TYMP: variants seen among roughly 807,000 people sequenced by gnomAD.
TYMP encodes the protein thymidine phosphorylase.
Under a neutral mutation model 42.3 loss-of-function variants are expected in TYMP, and 46 were observed. That is an observed-to-expected ratio of 1.09 (90% CI 0.86 to 1.39). The LOEUF is 1.39. Among genes scored for constraint, TYMP ranks in the 40% most tolerant of loss-of-function variants. The pLI is 0.00. For synonymous variants in TYMP, 363 were observed against 308.0 expected, an observed-to-expected ratio of 1.18 and a Z score of -1.87; for missense variants, 837 against 677.6, an observed-to-expected ratio of 1.24 and a Z score of -2.61.
In TYMP at chr22:50,528,556, G is replaced by A; in HGVS notation, c.472C>T (p.Leu158=). The change falls in exon 4 of 10, where the codon CTG becomes TTG. Residue 158 remains leucine (L), a synonymous_variant. Transcript: ENST00000252029. ...LGHTGGTLDK[L]ESIPGFNVIQ... is the part of the protein sequence containing the mutation. ...ACATTGAATCCAGGAATAGACTCCA[G>A]CTTATCCAAGGTGCCTCCTGTGTGC... 1 of 1,613,960 alleles carries A rather than the reference G, an allele frequency of 6.2e-7. No homozygotes were observed.
At chr22:50,528,789 G>A in intron 3 of TYMP, 179 bp from the exon 4 acceptor site, 1 of 660,824 alleles carries the variant, frequency 1.5e-6, no homozygotes, top group East Asian at 2.7e-5. Context: ...GTCAGTAGGG[G>A]AGGAGGTTGG....
Position 50,527,216 on chromosome 22 carries a change from C to A in TYMP, c.714G>T (p.Gly238=). The A allele has an allele frequency of 6.2e-7, 1 of 1,613,558 alleles. No individual in the cohort carries two copies. The highest frequency in any genetic ancestry group is 8.5e-7 in the Non-Finnish European group (1 of 1,180,016). ...GCTCCTGGTTGGGGAAGACGGCGGC[C>A]CCTCCGAACTTAACGTCCACCACCA... ...SALVVDVKFG[G]AAVFPNQEQA... is the part of the protein sequence containing the mutation. Residue 238 remains glycine (G), a synonymous_variant, in exon 6 of 10, where the codon GGG becomes GGT. Transcript: ENST00000252029.
Position 50,527,732 on chromosome 22 carries a change from CCT to C in TYMP, c.517-17_517-16del, listed in dbSNP as rs1346227234. ...AGCACTTGCATCTGGTCAGACATCCCCTGTTCTCAGTGACTTATGGTAAATGA... is the reference window on the plus strand; with the variant it reads ...AGCACTTGCATCTGGTCAGACATCCCGTTCTCAGTGACTTATGGTAAATGA... On this transcript the variant is annotated splice_polypyrimidine_tract_variant and intron_variant, in intron 4 of 9. Coordinates refer to ENST00000252029, the MANE Select transcript of TYMP (RefSeq NM_001953.5). 3 of 1,612,456 alleles carry C rather than the reference CCT, an allele frequency of 1.9e-6. No individual in the cohort carries two copies. Among genetic ancestry groups the C allele is most frequent in the Non-Finnish European group, 1.7e-6 (2 of 1,179,272 alleles).
Position 50,526,252 on chromosome 22 carries a change from C to CG in TYMP, c.1152dup (p.Ala385ArgfsTer?). On this transcript the variant is annotated frameshift_variant, in exon 8 of 10. Transcript: ENST00000252029. LOFTEE classifies it high-confidence loss of function. ...GGACTCCCCCGACGCTCACCATCTG[C>CG]GGGCGCCAGCAGCTCCTCCTGCTCC... 6.5e-7 allele frequency: 1 copy of CG among 1,534,134 alleles called. No individual in the cohort carries two copies. Among genetic ancestry groups the CG allele is most frequent in the Non-Finnish European group, 8.7e-7 (1 of 1,150,376 alleles).
At position 50,526,701 on chromosome 22, in the gene TYMP, G is replaced by A; in HGVS notation, c.803C>T (p.Ala268Val). The A allele has an allele frequency of 1.3e-6, 2 of 1,541,378 alleles. No homozygotes were observed. The highest frequency in any genetic ancestry group is 1.7e-6 in the Non-Finnish European group (2 of 1,147,836). The change falls in exon 7 of 10, where the codon GCA becomes GTA. Residue 268 changes from alanine to valine, a missense_variant. Transcript: ENST00000252029. The stretch of plus-strand genomic sequence containing the variant: ...GGGCTTGTCCATGGCGGTCAGCGCT[G>A]CCGCGACCCGAAGCCCTAGGCTGGC... ...VGASLGLRVAAALTAMDKPLG... is the reference protein window; with the variant it reads ...VGASLGLRVAVALTAMDKPLG...
intron 5 of TYMP, 75 bp downstream of exon 5, chr22:50,527,513 A>G (rs1392333928): frequency 6.2e-7 from 1 of 1,610,362 alleles, no homozygotes; most frequent in Non-Finnish European, 8.5e-7. Context: ...GTAACTCCTA[A>G]CGAGAGGCCC....
chr22:50,528,712 AT>A, intron 3 of TYMP, 102 bp from the exon 4 acceptor site: 2 of 956,006 alleles, frequency 2.1e-6, no homozygotes, highest in Non-Finnish European at 3.3e-6. Flanking sequence ...TTTGGAAAGT[AT>A]TTAAGCAGCT....
chr22:50,526,243 C>G lies in TYMP; in HGVS notation c.1159+3G>C, dbSNP rs1378699970. ...GAAGGACGGGGACTCCCCCGACGCT[C>G]ACCATCTGCGGGCGCCAGCAGCTCC... On this transcript the variant is annotated splice_donor_region_variant and intron_variant, in intron 8 of 9. Transcript: ENST00000252029. 2 of 1,540,218 alleles carry G rather than the reference C, an allele frequency of 1.3e-6. No homozygotes were observed. The highest frequency in any genetic ancestry group is 1.7e-6 in the Non-Finnish European group (2 of 1,152,686).
At position 50,526,260 on chromosome 22, in the gene TYMP, A is replaced by C; in HGVS notation, c.1145T>G (p.Leu382Arg). 6.5e-7 allele frequency: 1 copy of C among 1,536,332 alleles called. No individual in the cohort carries two copies. The highest frequency in any genetic ancestry group is 1.4e-5 in the African/African-American group (1 of 70,690). ...CCGACGCTCACCATCTGCGGGCGCC[A>C]GCAGCTCCTCCTGCTCCCGGGCGCG... ...LPRAREQEEL[L>R]APADGTVELV... The change falls in exon 8 of 10, where the codon CTG (leucine) becomes CGG (arginine). Residue 382 changes from leucine to arginine, a missense_variant. By Grantham distance (102) the Leu-to-Arg change is moderately radical. Transcript: ENST00000252029.
At position 50,529,584 on chromosome 22, in the gene TYMP, C is replaced by T; in HGVS notation, c.126G>A (p.Met42Ile). ...CGCTCAGGCGGCCTCCGTCTCGCTT[C>T]ATGCGGATCAGCTCCGGGAGCTGCT... ...EPKQLPELIR[M>I]KRDGGRLSEA... Residue 42 changes from methionine (M) to isoleucine (I), a missense_variant, in exon 2 of 10, where the codon ATG becomes ATA. Physicochemically the swap from Met to Ile is conservative, Grantham distance 10. Coordinates refer to ENST00000252029, the MANE Select transcript of TYMP (RefSeq NM_001953.5). 1.2e-6 allele frequency: 2 copies of T among 1,613,192 alleles called. No homozygotes were observed. The highest frequency in any genetic ancestry group is 1.1e-5 in the South Asian group (1 of 91,088).
chr22:50,528,099 C>T (rs771718910), intron 4 of TYMP: 2 of 390,108 alleles, frequency 5.1e-6, no homozygotes, highest in Non-Finnish European at 9.7e-6. Flanking sequence ...GCAGCCTAGA[C>T]CTCCCAGGCT....
Position 50,528,533 on chromosome 22 carries a change from A to C in TYMP, c.495T>G (p.Asn165Lys). The C allele has an allele frequency of 6.2e-7, 1 of 1,613,868 alleles. No individual in the cohort carries two copies. Among genetic ancestry groups the C allele is most frequent in the East Asian group, 2.2e-5 (1 of 44,886 alleles). Residue 165 changes from asparagine to lysine, a missense_variant, in exon 4 of 10, where the codon AAT becomes AAG. Coordinates refer to ENST00000252029, the MANE Select transcript of TYMP (RefSeq NM_001953.5). ...GTACCTGCTCTGGGCTCTGGATGAC[A>C]TTGAATCCAGGAATAGACTCCAGCT... ...LDKLESIPGF[N>K]VIQSPEQMQV...
In TYMP at chr22:50,526,227, G is replaced by A. The variant is rs763827623; in HGVS notation, c.1159+19C>T. The A allele has an allele frequency of 2.4e-5, 36 of 1,520,490 alleles. No individual in the cohort carries two copies. The East Asian group carries it at 4.7e-4, about 20-fold the overall frequency. 94.2% of individuals were successfully genotyped at this position (1,520,490 alleles called of 1,614,324 possible). A position where few individuals can be genotyped will look rare whatever the true frequency, so the allele number is the denominator to read the frequency against. On this transcript the variant is annotated intron_variant, in intron 8 of 9. Transcript: ENST00000252029. Reference sequence around the variant, plus strand: ...GGGGATGGCGGAGGCGGAAGGACGGGGACTCCCCCGACGCTCACCATCTGC... The same window carrying A: ...GGGGATGGCGGAGGCGGAAGGACGGAGACTCCCCCGACGCTCACCATCTGC...
Position 50,525,761 on chromosome 22 carries a change from A to T in TYMP, c.*9T>A, listed in dbSNP as rs751872685. ...CCAAGCACTGACAAGGTTTCGCGGC[A>T]AAGGAGCTTTATTGCTGCGGCGGCA... is the stretch of plus-strand genomic sequence containing the variant. On this transcript the variant is annotated 3_prime_UTR_variant, in exon 10 of 10. Coordinates refer to ENST00000252029, the MANE Select transcript of TYMP (RefSeq NM_001953.5). 11 of 1,610,136 alleles carry T rather than the reference A, an allele frequency of 6.8e-6. No individual in the cohort carries two copies. Among genetic ancestry groups the T allele is most frequent in the East Asian group, 6.7e-5 (3 of 44,788 alleles).
chr22:50,529,451 T>C, intron 2 of TYMP, 45 bp downstream of exon 2: 1 of 1,609,366 alleles, frequency 6.2e-7, no homozygotes, highest in African/African-American at 1.3e-5. Context: ...TCTCTCGGGC[T>C]GACCTCCCAG....
rs1307753026 is a variant in TYMP at position 50,529,653 on chromosome 22, G to A, written c.57C>T (p.Ser19=). ...CGGGAAGTCCCTGGCTCCCTTCCCC[G>A]GAGAAGTCACCAGGCGCGGGTGGGG... ...TGAPPAPGDF[S]GEGSQGLPDP... The change falls in exon 2 of 10, where the codon TCC becomes TCT. Residue 19 remains serine, a synonymous_variant. Transcript: ENST00000252029. 4 of 1,612,390 alleles carry A rather than the reference G, an allele frequency of 2.5e-6. No homozygotes were observed. The highest frequency in any genetic ancestry group is 1.1e-5 in the South Asian group (1 of 90,936).
In TYMP at chr22:50,528,485, T is replaced by G. The variant is rs470119; in HGVS notation, c.516+27A>C. 3.1e-6 allele frequency: 5 copies of G among 1,591,832 alleles called. No individual in the cohort carries two copies. The South Asian group carries it at 4.4e-5, about 14-fold the overall frequency. On this transcript the variant is annotated intron_variant, in intron 4 of 9. Transcript: ENST00000252029. ...CAGGGTCTCCATCATCAACCTGGATTAATGACTGATCCGTGGCGCCCCGTA... is the reference window on the plus strand; with the variant it reads ...CAGGGTCTCCATCATCAACCTGGATGAATGACTGATCCGTGGCGCCCCGTA...
intron 4 of TYMP, 120 bp from the exon 5 acceptor site, chr22:50,527,837 ACAATT>A: frequency 2.2e-6 from 3 of 1,338,306 alleles, no homozygotes; most frequent in Non-Finnish European, 3.0e-6. Context: ...TGCAGTTGGC[ACAATT>A]TCGGCTCATT....
At position 50,526,097 on chromosome 22, in the gene TYMP, GCAGCAC is replaced by G. The variant is rs1027855768; in HGVS notation, c.1198_1203del (p.Val400_Leu401del). ...CGGCTGCGCCCGGCCCCGAGCTCGT[GCAGCAC>G]CAGCGCCAGCGGCAGCGCCCGGACC... On this transcript the variant is annotated inframe_deletion, in exon 9 of 10. Coordinates refer to ENST00000252029, the MANE Select transcript of TYMP (RefSeq NM_001953.5). The G allele has an allele frequency of 4.7e-6, 7 of 1,489,716 alleles. No homozygotes were observed. The highest frequency in any genetic ancestry group is 1.5e-5 in the African/African-American group (1 of 68,298). The allele number at this position is 1,489,716 out of a possible 1,614,324, so 92.3% of individuals were successfully genotyped here.
Sources: gnomAD v4.1 joint callset for allele counts on GRCh38, gnomAD v4.1.1 for gene constraint, MANE v1.5 for transcripts, NCBI Gene and HGNC (gene_info 2026-07-23, HGNC 2026-07-21) for gene names.